The following MAN1A2 variants were observed in gnomAD, a reference collection of about 807,000 sequenced individuals.
MAN1A2 encodes the protein mannosyl-oligosaccharide 1,2-alpha-mannosidase IB.
MAN1A2 carries 26 observed loss-of-function variants against 75.7 expected under a neutral mutation model. The observed-to-expected ratio is 0.34, with a 90% CI of 0.25 to 0.48. The LOEUF (loss-of-function observed/expected upper bound fraction) is 0.48, where lower values mean the gene tolerates loss of function less well. Ranked by LOEUF, MAN1A2 falls within the 20% of genes least tolerant of loss-of-function variation. MAN1A2 has a pLI of 0.99. For synonymous variants in MAN1A2, 247 were observed against 264.6 expected, an observed-to-expected ratio of 0.93 and a Z score of 0.65; for missense variants, 562 against 775.5, an observed-to-expected ratio of 0.72 and a Z score of 3.27.
At chr1:117,424,155 T>C (rs1648291297) in intron 5 of MAN1A2, among the ~76,000 whole-genome samples, 1 of 152,216 alleles carries the variant, frequency 6.6e-6, no homozygotes, top group Non-Finnish European at 1.5e-5. Context: ...GAGTTTTATT[T>C]TTCTGTATAG....
intron 1 of MAN1A2, among the ~76,000 whole-genome samples, chr1:117,395,911 G>C (rs1033516525): frequency 6.6e-6 from 1 of 152,178 alleles, no homozygotes; most frequent in Non-Finnish European, 1.5e-5. Flanking sequence ...ATTAAAATCA[G>C]CCAAGGGAAG....
At chr1:117,382,815 C>T (rs1255322120) in intron 1 of MAN1A2, among the ~76,000 whole-genome samples, 1 of 152,134 alleles carries the variant, frequency 6.6e-6, no homozygotes, top group African/African-American at 2.4e-5. Flanking sequence ...TACCCATGAG[C>T]ATGGAATGTT....
intron 8 of MAN1A2, among the ~76,000 whole-genome samples, chr1:117,482,600 T>C (rs1271838433): frequency 6.6e-6 from 1 of 152,070 alleles, no homozygotes; most frequent in Non-Finnish European, 1.5e-5. Context: ...GTTTTTTTTC[T>C]TGTAAATTTG....
chr1:117,525,026 T>C lies in MAN1A2; in HGVS notation c.*2069T>C, dbSNP rs1651968259. On this transcript the variant is annotated 3_prime_UTR_variant, in exon 13 of 13. Coordinates refer to ENST00000356554, the MANE Select transcript of MAN1A2 (RefSeq NM_006699.5). ...CAGCAGTGCAGATGGCAATGAACTC[T>C]CTGAATTCTCTTTTACCTTATTTAG... is the stretch of plus-strand genomic sequence containing the variant. 2.1e-6 allele frequency: 1 copy of C among 471,716 alleles called. No homozygotes were observed. Among genetic ancestry groups the C allele is most frequent in the Non-Finnish European group, 4.4e-6 (1 of 227,282 alleles). The allele number at this position is 471,716 out of a possible 1,614,324, so 29.2% of individuals were successfully genotyped here.
chr1:117,512,045 G>A lies in MAN1A2; in HGVS notation c.1793+9075G>A, dbSNP rs921177491. ...TTTTATAAGATCTTGTATATAATAA[G>A]AGTAGGAGGGGGAAAGAGAAGAGAA... is the stretch of plus-strand genomic sequence containing the variant. On this transcript the variant is annotated intron_variant, in intron 12 of 12. Coordinates refer to ENST00000356554, the MANE Select transcript of MAN1A2 (RefSeq NM_006699.5). Among the ~76,000 whole-genome samples, 8 of 152,070 alleles carry A rather than the reference G, an allele frequency of 5.3e-5. No individual in the cohort carries two copies. The South Asian group carries it at 1.7e-3, about 32-fold the overall frequency.
rs373876088 is a variant in MAN1A2 at position 117,486,799 on chromosome 1, A to G, written c.1169-6348A>G. 9.9e-5 allele frequency among the ~76,000 whole-genome samples: 15 copies of G among 152,116 alleles called. No individual in the cohort carries two copies. The East Asian group carries it at 1.8e-3, about 18-fold the overall frequency. On this transcript the variant is annotated intron_variant, in intron 8 of 12. Coordinates refer to ENST00000356554, the MANE Select transcript of MAN1A2 (RefSeq NM_006699.5). Reference sequence around the variant, plus strand: ...GAGAAAGTGGAGTACAGAAAATATCAAAGAAATAGTAGAAAAGATTTTTCC... The same window carrying G: ...GAGAAAGTGGAGTACAGAAAATATCGAAGAAATAGTAGAAAAGATTTTTCC...
At chr1:117,494,272 G>A (rs1650974913) in intron 9 of MAN1A2, 1 of 144,420 alleles carries the variant, frequency 6.9e-6, no homozygotes, top group African/African-American at 2.4e-5. Flanking sequence ...GAATTTATAT[G>A]GAGTATTTCT....
At chr1:117,455,052 T>C (rs61805792) in intron 6 of MAN1A2, among the ~76,000 whole-genome samples, 18,268 of 152,140 alleles carry the variant, frequency 0.12, 1,158 homozygotes, top group Non-Finnish European at 0.14. Context: ...CTTAGGTTGG[T>C]AGGATGTAAA....
At chr1:117,451,247 T>G (rs557801027) in intron 6 of MAN1A2, among the ~76,000 whole-genome samples, 3 of 152,356 alleles carry the variant, frequency 2.0e-5, no homozygotes, top group Admixed American at 6.5e-5. Context: ...ATTTCAGACT[T>G]GCATGGGGCC....
At chr1:117,369,745 T>C (rs777773317) in intron 1 of MAN1A2, among the ~76,000 whole-genome samples, 7 of 152,234 alleles carry the variant, frequency 4.6e-5, no homozygotes, top group Non-Finnish European at 8.8e-5. Context: ...TTTTGCACTT[T>C]GCTTGTTGTG....
At chr1:117,480,705 A>G (rs981221036) in intron 8 of MAN1A2, among the ~76,000 whole-genome samples, 1 of 151,662 alleles carries the variant, frequency 6.6e-6, no homozygotes, top group Non-Finnish European at 1.5e-5. Flanking sequence ...TTTAACTTAC[A>G]TCTTGTTTAT....
intron 8 of MAN1A2, among the ~76,000 whole-genome samples, chr1:117,485,909 A>G (rs1428587916): frequency 6.6e-6 from 1 of 151,992 alleles, no homozygotes; most frequent in Non-Finnish European, 1.5e-5. Flanking sequence ...AAAGTATTCT[A>G]CATAGAAAGC....
intron 1 of MAN1A2, among the ~76,000 whole-genome samples, chr1:117,376,073 G>C (rs771712926): frequency 5.9e-5 from 9 of 151,972 alleles, no homozygotes; most frequent in Non-Finnish European, 1.3e-4. Flanking sequence ...CACCACGCCC[G>C]GCTATTTTTT....
At chr1:117,484,837 T>C (rs1290243792) in intron 8 of MAN1A2, among the ~76,000 whole-genome samples, 2 of 151,980 alleles carry the variant, frequency 1.3e-5, no homozygotes, top group Non-Finnish European at 2.9e-5. Context: ...TAGACTAGTA[T>C]CTACACATAT....
chr1:117,515,327 A>T (rs1651679093), intron 12 of MAN1A2: 1 of 152,364 alleles, frequency 6.6e-6, no homozygotes, highest in African/African-American at 2.4e-5. Context: ...TATATCAAGG[A>T]TTTGAGCATT....
At chr1:117,430,036 C>G (rs1171253004) in intron 5 of MAN1A2, among the ~76,000 whole-genome samples, 1 of 41,050 alleles carries the variant, frequency 2.4e-5, no homozygotes, top group Non-Finnish European at 5.0e-5. Flanking sequence ...GGGGGGCTGA[C>G]CCCCCCACCT....
At position 117,524,858 on chromosome 1, in the gene MAN1A2, G is replaced by A. The variant is rs556376244; in HGVS notation, c.*1901G>A. 261 of 271,178 alleles carry A rather than the reference G, an allele frequency of 9.6e-4. 2 individuals carry two copies. The highest frequency in any genetic ancestry group is 2.1e-3 in the South Asian group (51 of 24,186). The allele number at this position is 271,178 out of a possible 1,614,324, so 16.8% of individuals were successfully genotyped here. ...ACATTTAAATTTCTAAATGAGAAAGGTATATATATTACTGTAACTGTAGAA... is the reference window on the plus strand; with the variant it reads ...ACATTTAAATTTCTAAATGAGAAAGATATATATATTACTGTAACTGTAGAA... On this transcript the variant is annotated 3_prime_UTR_variant, in exon 13 of 13. Transcript: ENST00000356554.
intron 3 of MAN1A2, among the ~76,000 whole-genome samples, chr1:117,406,773 C>T (rs1267430240): frequency 3.3e-5 from 5 of 151,850 alleles, no homozygotes; most frequent in Admixed American, 1.3e-4. Context: ...CAATATGAGG[C>T]GTTAGTGCAA....
intron 5 of MAN1A2, among the ~76,000 whole-genome samples, chr1:117,426,573 A>C (rs1343503170): frequency 6.6e-6 from 1 of 152,184 alleles, no homozygotes; most frequent in Non-Finnish European, 1.5e-5. Context: ...CAGAACACTT[A>C]CATTAGCTTA....
Sources: allele counts gnomAD v4.1 joint callset (sites outside exome capture counted in the v4.1 genomes callset), GRCh38; gene constraint gnomAD v4.1.1; transcripts MANE v1.5; gene names NCBI Gene and HGNC (gene_info 2026-07-23, HGNC 2026-07-21).